Variants in ITPRIP observed in about 807,000 individuals in gnomAD.
ITPRIP encodes the protein inositol 1,4,5-trisphosphate receptor-interacting protein.
ITPRIP carries 32 observed loss-of-function variants against 35.8 expected under a neutral mutation model. That is an observed-to-expected ratio of 0.89 (90% CI 0.68 to 1.20). The LOEUF is 1.20. Ranked by LOEUF, ITPRIP falls within the 50% of genes most tolerant of loss-of-function variation. The probability of loss-of-function intolerance (pLI) is 0.00; values close to 1 mark genes in which losing one functional copy is unlikely to be tolerated. For missense variants in ITPRIP, 653 were observed against 735.6 expected (o/e 0.89, Z 1.30); for synonymous variants, 358 against 324.0 (o/e 1.11, Z -1.13).
In ITPRIP at chr10:104,328,235, C is replaced by T. The variant is rs2014071773; in HGVS notation, c.-14+10011G>A. 1.0e-6 allele frequency: 1 copy of T among 985,320 alleles called. No individual in the cohort carries two copies. Among genetic ancestry groups the T allele is most frequent in the African/African-American group, 1.7e-5 (1 of 57,234 alleles). 61.0% of individuals were successfully genotyped at this position (985,320 alleles called of 1,614,324 possible). On this transcript the variant is annotated intron_variant, in intron 1 of 1. Transcript: ENST00000337478. The surrounding 1 kb of genome is among the most constrained non-coding windows in gnomAD (Gnocchi z 4.1). Reference sequence around the variant, plus strand: ...TCACAGTGACAGCAATGCGCCCTCACCACTTCCCGTTGTCCTACATTGGCT... The same window carrying T: ...TCACAGTGACAGCAATGCGCCCTCATCACTTCCCGTTGTCCTACATTGGCT...
intron 1 of ITPRIP, among the ~76,000 whole-genome samples, chr10:104,325,882 G>A (rs944261303): frequency 2.0e-5 from 3 of 152,234 alleles, no homozygotes; most frequent in Non-Finnish European, 4.4e-5. Context: ...TGAGTGGGAT[G>A]CTGGGCTCAG....
rs1172919044 is a variant in ITPRIP at position 104,312,334 on chromosome 10, A to G, written c.*2074T>C. On this transcript the variant is annotated 3_prime_UTR_variant, in exon 2 of 2. Transcript: ENST00000337478. ...GAACTTTCTCCTGGAAGCAAAGGAG[A>G]AGCTATGGGAGATCCAGGCATGGTT... 6.6e-6 allele frequency: 1 copy of G among 152,398 alleles called. No homozygotes were observed. The highest frequency in any genetic ancestry group is 2.4e-5 in the African/African-American group (1 of 41,354). The allele number at this position is 152,398 out of a possible 1,614,324, so 9.4% of individuals were successfully genotyped here.
rs2014031161 is a variant in ITPRIP at position 104,326,954 on chromosome 10, A to C, written c.-13-10890T>G. The C allele has an allele frequency of 6.6e-6, 1 of 152,200 alleles. No homozygotes were observed. The allele number at this position is 152,200 out of a possible 1,614,324, so 9.4% of individuals were successfully genotyped here. Reference sequence around the variant, plus strand: ...AGTATCTGGAGGGAGTGTGGCCCTGATACCTTGATCCTGGTCTCCAGAACT... The same window carrying C: ...AGTATCTGGAGGGAGTGTGGCCCTGCTACCTTGATCCTGGTCTCCAGAACT... On this transcript the variant is annotated intron_variant, in intron 1 of 1. Coordinates refer to ENST00000337478, the MANE Select transcript of ITPRIP (RefSeq NM_001272013.2). This position sits in a 1 kb window ranked among gnomAD's most constrained non-coding sequence, Gnocchi z 4.8.
intron 1 of ITPRIP, among the ~76,000 whole-genome samples, chr10:104,317,450 A>G (rs1440058672): frequency 6.6e-6 from 1 of 152,174 alleles, no homozygotes; most frequent in African/African-American, 2.4e-5. Context: ...CCACATTTTA[A>G]TACCATCCAT....
chr10:104,320,810 G>T (rs2013828261), intron 1 of ITPRIP, among the ~76,000 whole-genome samples: 1 of 152,126 alleles, frequency 6.6e-6, no homozygotes, highest in Admixed American at 6.6e-5. Flanking sequence ...GGGATTACAG[G>T]TGTGAGCACC....
chr10:104,315,273 G>T lies in ITPRIP; in HGVS notation c.779C>A (p.Thr260Asn). ...ACACAGCATGTCTTCCCCGAGCTTG[G>T]TCTTGCCGCAGATGCAGCTCAATGT... ...GDTLSCICGKTKLGEDMLCLL... is the reference protein window; with the variant it reads ...GDTLSCICGKNKLGEDMLCLL... The change falls in exon 2 of 2, where the codon ACC becomes AAC. Residue 260 changes from threonine to asparagine, a missense_variant. By Grantham distance (65) the Thr-to-Asn change is moderately conservative (BLOSUM62 0). Transcript: ENST00000337478. This position sits in a 1 kb window ranked among gnomAD's most constrained non-coding sequence, Gnocchi z 5.7. The T allele has an allele frequency of 6.2e-7, 1 of 1,604,250 alleles. No individual in the cohort carries two copies. Among genetic ancestry groups the T allele is most frequent in the Non-Finnish European group, 8.5e-7 (1 of 1,173,738 alleles).
intron 1 of ITPRIP, among the ~76,000 whole-genome samples, chr10:104,321,664 G>T (rs1433544385): frequency 6.6e-6 from 1 of 151,548 alleles, no homozygotes; most frequent in Non-Finnish European, 1.5e-5. Flanking sequence ...GATGTGCTGG[G>T]CACTGCACAC....
chr10:104,330,171 T>C (rs996222157), intron 1 of ITPRIP, among the ~76,000 whole-genome samples: 3 of 152,230 alleles, frequency 2.0e-5, no homozygotes, highest in Non-Finnish European at 2.9e-5. Flanking sequence ...GTTGCTATAA[T>C]GAATGCTTGC....
chr10:104,320,235 G>A (rs1164326007), intron 1 of ITPRIP, among the ~76,000 whole-genome samples: 2 of 150,878 alleles, frequency 1.3e-5, no homozygotes, highest in African/African-American at 5.0e-5. Flanking sequence ...TGAACTAAGG[G>A]TCTGGCACCT....
In ITPRIP at chr10:104,314,792, G is replaced by A; in HGVS notation, c.1260C>T (p.Ser420=). The change falls in exon 2 of 2, where the codon AGC becomes AGT. Residue 420 remains serine, a synonymous_variant. Coordinates refer to ENST00000337478, the MANE Select transcript of ITPRIP (RefSeq NM_001272013.2). ...TGAGCCCGCTGGGACCGGTCAGGCG[G>A]CTCTGCTTGGAGAGCAGGAAGGATG... is the stretch of plus-strand genomic sequence containing the variant. ...QIASFLLSKQ[S]RLTGPSGLSS... 1 of 1,613,896 alleles carries A rather than the reference G, an allele frequency of 6.2e-7. No individual in the cohort carries two copies. Among genetic ancestry groups the A allele is most frequent in the Non-Finnish European group, 8.5e-7 (1 of 1,180,024 alleles).
In ITPRIP at chr10:104,314,511, C is replaced by A. The variant is rs373416196; in HGVS notation, c.1541G>T (p.Arg514Leu). The A allele has an allele frequency of 1.1e-5, 17 of 1,614,038 alleles. No homozygotes were observed. In the East Asian group the frequency reaches 1.8e-4, roughly 17 times the overall value. Reference protein sequence around the residue: ...RPFVLQRSLYRKTLDSFYEML... With the variant: ...RPFVLQRSLYLKTLDSFYEML... ...CTCATAGAAGGAGTCCAGTGTCTTA[C>A]GGTAAAGGCTTCGCTGCAGGACGAA... The change falls in exon 2 of 2, where the codon CGT (arginine) becomes CTT (leucine). Residue 514 changes from arginine to leucine, a missense_variant. Physicochemically the swap from Arg to Leu is moderately radical, Grantham distance 102. Coordinates refer to ENST00000337478, the MANE Select transcript of ITPRIP (RefSeq NM_001272013.2).
chr10:104,319,397 T>G (rs1231632084), intron 1 of ITPRIP, among the ~76,000 whole-genome samples: 2 of 152,158 alleles, frequency 1.3e-5, no homozygotes, highest in Non-Finnish European at 2.9e-5. Context: ...CGCTCGAAAG[T>G]GCTCTGAAAG....
Position 104,314,461 on chromosome 10 carries a change from T to C in ITPRIP, c.1591A>G (p.Ile531Val), listed in dbSNP as rs1014024819. 3.7e-6 allele frequency: 6 copies of C among 1,613,962 alleles called. No individual in the cohort carries two copies. The highest frequency in any genetic ancestry group is 1.7e-5 in the Admixed American group (1 of 59,998). The change falls in exon 2 of 2, where the codon ATT (isoleucine) becomes GTT (valine). Residue 531 changes from isoleucine (I) to valine (V), a missense_variant. Coordinates refer to ENST00000337478, the MANE Select transcript of ITPRIP (RefSeq NM_001272013.2). Reference sequence around the variant, plus strand: ...GGGACATGTAGGGAATACTCGCTAATGAGCGCTGGGGCATTCTTGAGCATC... The same window carrying C: ...GGGACATGTAGGGAATACTCGCTAACGAGCGCTGGGGCATTCTTGAGCATC... ...YEMLKNAPAL[I>V]SEYSLHVPSD... is the part of the protein sequence containing the mutation.
In ITPRIP at chr10:104,314,525, C is replaced by T; in HGVS notation, c.1527G>A (p.Gln509=). The change falls in exon 2 of 2, where the codon CAG becomes CAA. Residue 509 remains glutamine (Q), a synonymous_variant. Coordinates refer to ENST00000337478, the MANE Select transcript of ITPRIP (RefSeq NM_001272013.2). ...CCAGTGTCTTACGGTAAAGGCTTCG[C>T]TGCAGGACGAAGGGCCGGAAGAGGT... ...PLNLFRPFVL[Q]RSLYRKTLDS... 1 of 1,614,190 alleles carries T rather than the reference C, an allele frequency of 6.2e-7. No homozygotes were observed. Among genetic ancestry groups the T allele is most frequent in the Non-Finnish European group, 8.5e-7 (1 of 1,180,026 alleles).
At chr10:104,325,823 C>T (rs72825862) in intron 1 of ITPRIP, among the ~76,000 whole-genome samples, 3,756 of 152,310 alleles carry the variant, frequency 0.025, 51 homozygotes, top group African/African-American at 0.035. Context: ...CTGTGGGCCC[C>T]AGGAGCCCCA....
rs2013516341 is a variant in ITPRIP at position 104,312,612 on chromosome 10, A to AGCTT, written c.*1795_*1796insAAGC. The AGCTT allele has an allele frequency of 1.0e-6, 1 of 985,330 alleles. No individual in the cohort carries two copies. The highest frequency in any genetic ancestry group is 1.2e-6 in the Non-Finnish European group (1 of 829,964). 61.0% of individuals were successfully genotyped at this position (985,330 alleles called of 1,614,324 possible). On this transcript the variant is annotated 3_prime_UTR_variant, in exon 2 of 2. Coordinates refer to ENST00000337478, the MANE Select transcript of ITPRIP (RefSeq NM_001272013.2). ...CTGCGTCTAGGGAGAGGCAGGCCCA[A>AGCTT]GCACATGTTCAGTCTAATTCCAGCT...
intron 1 of ITPRIP, among the ~76,000 whole-genome samples, chr10:104,322,269 G>A (rs1431546379): frequency 2.0e-5 from 3 of 152,200 alleles, no homozygotes; most frequent in East Asian, 3.9e-4. Context: ...GCATGTGTCC[G>A]GCCCCACAAC....
rs1416610577 is a variant in ITPRIP, at chr10:104,315,986, C to G, written c.66G>C (p.Leu22=). 2 of 1,612,190 alleles carry G rather than the reference C, an allele frequency of 1.2e-6. No homozygotes were observed. Among genetic ancestry groups the G allele is most frequent in the Admixed American group, 1.7e-5 (1 of 59,840 alleles). ...VVTAIINHPL[L]FPRENATVPE... is the part of the protein sequence containing the mutation. Reference sequence around the variant, plus strand: ...GGACTGTGGCGTTCTCCCGCGGGAACAGCAGCGGGTGGTTGATGATGGCCG... The same window carrying G: ...GGACTGTGGCGTTCTCCCGCGGGAAGAGCAGCGGGTGGTTGATGATGGCCG... The change falls in exon 2 of 2, where the codon CTG becomes CTC. Residue 22 remains leucine (L), a synonymous_variant. Coordinates refer to ENST00000337478, the MANE Select transcript of ITPRIP (RefSeq NM_001272013.2). The surrounding 1 kb of genome is among the most constrained non-coding windows in gnomAD (Gnocchi z 5.7).
intron 1 of ITPRIP, among the ~76,000 whole-genome samples, chr10:104,325,738 C>G (rs531508688): frequency 2.6e-5 from 4 of 152,180 alleles, no homozygotes; most frequent in African/African-American, 9.7e-5. Context: ...TGTGCACACG[C>G]GGACAGCAGA....
Sources: gnomAD v4.1 joint callset for allele counts (sites outside exome capture counted in the v4.1 genomes callset) on GRCh38, gnomAD v4.1.1 for gene constraint, Gnocchi (gnomAD v3.1) non-coding constraint, MANE v1.5 for transcripts, NCBI Gene and HGNC (gene_info 2026-07-23, HGNC 2026-07-21) for gene names.